Variants in DEFB126 observed in about 807,000 individuals in gnomAD.
DEFB126 encodes the protein defensin beta 126, also known as beta-defensin 126.
DEFB126 carries 2 observed loss-of-function variants against 2.5 expected under a neutral mutation model. The observed-to-expected ratio is 0.79, with a 90% CI of 0.32 to 2.49. The LOEUF is 2.49. Ranked by LOEUF, DEFB126 falls within the 30% of genes most tolerant of loss-of-function variation. The probability of loss-of-function intolerance (pLI) is 0.11; values close to 1 mark genes in which losing one functional copy is unlikely to be tolerated. For synonymous variants in DEFB126, 51 were observed against 45.4 expected (o/e 1.12, Z -0.50); for missense variants, 136 against 135.4 (o/e 1.00, Z -0.02).
At chr20:144,482 C>T (rs1267990044) in intron 1 of DEFB126, among the ~76,000 whole-genome samples, 3 of 151,922 alleles carry the variant, frequency 2.0e-5, no homozygotes, top group Admixed American at 6.6e-5. Context: ...TCTTTCTCCC[C>T]CTCTCCAATG....
At chr20:145,394 C>A in intron 1 of DEFB126, 21 bp from the exon 2 acceptor site, 1 of 1,604,148 alleles carries the variant, frequency 6.2e-7, no homozygotes, top group Non-Finnish European at 8.5e-7. Flanking sequence ...GCTTAATAAT[C>A]TATATAATTC....
intron 1 of DEFB126, among the ~76,000 whole-genome samples, chr20:144,257 G>A (rs1223035084): frequency 6.6e-6 from 1 of 152,012 alleles, no homozygotes; most frequent in Non-Finnish European, 1.5e-5. Flanking sequence ...TACACTTTGT[G>A]TGTGTGTATA....
rs545207709 is a variant in DEFB126 at position 143,253 on chromosome 20, G to A, written c.58+567G>A. Reference sequence around the variant, plus strand: ...TCAGATTTCAGCTCTGTTTGTGTAAGCATTTCTTATTTTTAATTTATTCTG... The same window carrying A: ...TCAGATTTCAGCTCTGTTTGTGTAAACATTTCTTATTTTTAATTTATTCTG... On this transcript the variant is annotated intron_variant, in intron 1 of 1. Coordinates refer to ENST00000382398, the MANE Select transcript of DEFB126 (RefSeq NM_030931.4). Among the ~76,000 whole-genome samples, 4 of 152,080 alleles carry A rather than the reference G, an allele frequency of 2.6e-5. No individual in the cohort carries two copies. In the South Asian group the frequency reaches 8.3e-4, roughly 32 times the overall value.
At position 145,413 on chromosome 20, in the gene DEFB126, A is replaced by G. The variant is rs960983335; in HGVS notation, c.59-2A>G. ...AATAATCTATATAATTCCTTTATTC[A>G]GGTAATTGGTATGTGAAAAAGTGTC... On this transcript the variant is annotated splice_acceptor_variant, in intron 1 of 1. Transcript: ENST00000382398. LOFTEE classifies it high-confidence loss of function. 2 of 1,612,518 alleles carry G rather than the reference A, an allele frequency of 1.2e-6. No homozygotes were observed. Among genetic ancestry groups the G allele is most frequent in the African/African-American group, 2.7e-5 (2 of 74,822 alleles).
chr20:143,897 A>G (rs2054657613), intron 1 of DEFB126, among the ~76,000 whole-genome samples: 1 of 152,158 alleles, frequency 6.6e-6, no homozygotes, highest in Non-Finnish European at 1.5e-5. Flanking sequence ...TGTTGAGAAC[A>G]GTTATTCACC....
chr20:143,052 A>G (rs2054654507), intron 1 of DEFB126, among the ~76,000 whole-genome samples: 1 of 151,994 alleles, frequency 6.6e-6, no homozygotes, highest in Admixed American at 6.6e-5. Flanking sequence ...TAACAATTAT[A>G]TAATATTACT....
At chr20:143,227 A>G (rs2054655227) in intron 1 of DEFB126, among the ~76,000 whole-genome samples, 1 of 152,176 alleles carries the variant, frequency 6.6e-6, no homozygotes, top group Non-Finnish European at 1.5e-5. Flanking sequence ...GGAAGTCTAT[A>G]TCAGATTTCA....
intron 1 of DEFB126, among the ~76,000 whole-genome samples, chr20:142,894 G>A (rs995597998): frequency 3.3e-5 from 5 of 152,156 alleles, no homozygotes; most frequent in Non-Finnish European, 7.3e-5. Context: ...AGCTGGGGAG[G>A]AGGGTAAGGC....
intron 1 of DEFB126, among the ~76,000 whole-genome samples, chr20:142,969 C>T (rs1318723442): frequency 6.6e-6 from 1 of 152,052 alleles, no homozygotes; most frequent in Non-Finnish European, 1.5e-5. Context: ...TATCCTGTCA[C>T]TTCGGGTCAG....
At chr20:143,025 G>A (rs1469266653) in intron 1 of DEFB126, among the ~76,000 whole-genome samples, 1 of 151,710 alleles carries the variant, frequency 6.6e-6, no homozygotes, top group African/African-American at 2.4e-5. Flanking sequence ...TTTTGCTGCC[G>A]ATATTCCCTC....
chr20:143,241 CTGTT>C (rs2054655315), intron 1 of DEFB126, among the ~76,000 whole-genome samples: 1 of 152,174 alleles, frequency 6.6e-6, no homozygotes, highest in Admixed American at 6.5e-5. Context: ...GATTTCAGCT[CTGTT>C]TGTGTAAGCA....
In DEFB126 at chr20:145,519, CA is replaced by C. The variant is rs1555758271; in HGVS notation, c.166del (p.Arg56GlyfsTer28). On this transcript the variant is annotated frameshift_variant, in exon 2 of 2. Transcript: ENST00000382398. LOFTEE classifies it low-confidence loss of function (END_TRUNC). ...GAATGGTTGGGCAATGTGCGGCAAA[CA>C]AAGGGACTGCTGTGTTCCAGCTGAC... Reference protein sequence around the residue: ...VKNGWAMCGKQRDCCVPADRR... With the variant: ...VKNGWAMCGKXRDCCVPADRR... 1 of 1,547,530 alleles carries C rather than the reference CA, an allele frequency of 6.5e-7. No homozygotes were observed. The highest frequency in any genetic ancestry group is 8.7e-7 in the Non-Finnish European group (1 of 1,146,426).
At chr20:142,963 C>G (rs2054654002) in intron 1 of DEFB126, among the ~76,000 whole-genome samples, 1 of 152,120 alleles carries the variant, frequency 6.6e-6, no homozygotes, top group Non-Finnish European at 1.5e-5. Flanking sequence ...AACTTCTATC[C>G]TGTCACTTCG....
At chr20:142,708 A>C (rs557066718) in intron 1 of DEFB126, 22 bp downstream of exon 1, 1 of 1,612,824 alleles carries the variant, frequency 6.2e-7, no homozygotes, top group Non-Finnish European at 8.5e-7. Flanking sequence ...CTTGGGGAAG[A>C]AGAAACACTG....
chr20:145,337 G>A, intron 1 of DEFB126, 78 bp from the exon 2 acceptor site: 2 of 1,400,886 alleles, frequency 1.4e-6, no homozygotes, highest in Non-Finnish European at 1.9e-6. Context: ...AATAAACAGT[G>A]CTCAAAAACT....
rs754197683 is a variant in DEFB126 at position 145,438 on chromosome 20, C to T, written c.82C>T (p.Leu28=). The T allele has an allele frequency of 6.2e-7, 1 of 1,613,786 alleles. No individual in the cohort carries two copies. Among genetic ancestry groups the T allele is most frequent in the East Asian group, 2.2e-5 (1 of 44,872 alleles). ...AGGTAATTGGTATGTGAAAAAGTGT[C>T]TAAACGACGTTGGAATTTGCAAGAA... is the stretch of plus-strand genomic sequence containing the variant. ...VSGNWYVKKC[L]NDVGICKKKC... is the part of the protein sequence containing the mutation. The change falls in exon 2 of 2, where the codon CTA becomes TTA. Residue 28 remains leucine (L), a synonymous_variant. Transcript: ENST00000382398.
intron 1 of DEFB126, among the ~76,000 whole-genome samples, chr20:143,336 G>A (rs1037281613): frequency 4.6e-5 from 7 of 152,040 alleles, no homozygotes; most frequent in Admixed American, 1.3e-4. Flanking sequence ...AAATAAATTG[G>A]CCACATTTCA....
chr20:142,634 G>C lies in DEFB126; in HGVS notation c.6G>C (p.Lys2Asn). Residue 2 changes from lysine to asparagine, a missense_variant, in exon 1 of 2, where the codon AAG becomes AAC. Lys to Asn is a moderately conservative substitution (Grantham distance 94). Coordinates refer to ENST00000382398, the MANE Select transcript of DEFB126 (RefSeq NM_030931.4). The stretch of plus-strand genomic sequence containing the variant: ...ATAGAACCCACTGCCTCCTGATGAA[G>C]TCCCTACTGTTCACCCTTGCAGTTT... M[K>N]SLLFTLAVFM... 1 of 1,613,816 alleles carries C rather than the reference G, an allele frequency of 6.2e-7. No individual in the cohort carries two copies. The highest frequency in any genetic ancestry group is 8.5e-7 in the Non-Finnish European group (1 of 1,179,742).
In DEFB126 at chr20:145,684, A is replaced by G. The variant is rs540963766; in HGVS notation, c.328A>G (p.Thr110Ala). Residue 110 changes from threonine to alanine, a missense_variant, in exon 2 of 2, where the codon ACT becomes GCT. Physicochemically the swap from Thr to Ala is moderately conservative, Grantham distance 58 (BLOSUM62 0). Coordinates refer to ENST00000382398, the MANE Select transcript of DEFB126 (RefSeq NM_030931.4). ...GATGGCTCCTACCCCCGTTTCTCCC[A>G]CTGGTTGAACATTCCAGCCTCTGTC... ...SSMAPTPVSP[T>A]G The G allele has an allele frequency of 1.2e-6, 2 of 1,610,432 alleles. No individual in the cohort carries two copies. The highest frequency in any genetic ancestry group is 2.2e-5 in the East Asian group (1 of 44,858).
Sources: gnomAD v4.1 joint callset for allele counts (sites outside exome capture counted in the v4.1 genomes callset) on GRCh38, gnomAD v4.1.1 for gene constraint, MANE v1.5 for transcripts, NCBI Gene and HGNC (gene_info 2026-07-23, HGNC 2026-07-21) for gene names.